The following DCAF8L2 variants were observed in gnomAD, a reference collection of about 807,000 sequenced individuals.
The protein encoded by DCAF8L2 is DDB1 and CUL4 associated factor 8 like 2, also known as DDB1- and CUL4-associated factor 8-like protein 2.
For missense variants in DCAF8L2, 430 were observed against 490.7 expected, an observed-to-expected ratio of 0.88 and a Z score of 1.17; for synonymous variants, 200 against 190.9, an observed-to-expected ratio of 1.05 and a Z score of -0.39.
At chrX:27,621,627 C>A (rs1234845341) in intron 1 of DCAF8L2, among the ~76,000 whole-genome samples, 1 of 111,206 alleles carries the variant, frequency 9.0e-6, no homozygotes, top group South Asian at 3.8e-4. Flanking sequence ...GAAACGCAAA[C>A]GTACACCCCC....
At chrX:27,479,262 A>G in the DCAF8L2 span, among the ~76,000 whole-genome samples, 1 of 111,059 alleles carries the variant, frequency 9.0e-6, no homozygotes, top group African/African-American at 3.3e-5. Context: ...GAGTCCAATA[A>G]TGTAAGTGAG....
chrX:27,670,739 T>C (rs746131186), intron 2 of DCAF8L2, among the ~76,000 whole-genome samples: 3 of 110,663 alleles, frequency 2.7e-5, no homozygotes, highest in East Asian at 5.8e-4. Flanking sequence ...GTTGGTGTTG[T>C]CCTCCTAGGA....
chrX:27,674,257 G>A (rs773564110), intron 2 of DCAF8L2, among the ~76,000 whole-genome samples: 180 of 111,711 alleles, frequency 1.6e-3, no homozygotes, highest in African/African-American at 5.3e-3. Context: ...AAGTGTGAAA[G>A]TGTGTATGAG....
chrX:27,673,422 C>T lies in DCAF8L2; in HGVS notation c.-219-4414C>T, dbSNP rs773295340. Reference sequence around the variant, plus strand: ...ACTCAGGAGGCTGAGGCACAAGAATCGTTTGAACCCGGGAGGCGGAGGTTA... The same window carrying T: ...ACTCAGGAGGCTGAGGCACAAGAATTGTTTGAACCCGGGAGGCGGAGGTTA... On this transcript the variant is annotated intron_variant, in intron 2 of 4. Coordinates refer to ENST00000451261, the MANE Select transcript of DCAF8L2 (RefSeq NM_001353450.2). Among the ~76,000 whole-genome samples, 6 of 101,905 alleles carry T rather than the reference C, an allele frequency of 5.9e-5. No individual in the cohort carries two copies. The East Asian group carries it at 1.5e-3, about 26-fold the overall frequency. The allele number at this position is 101,905 out of a possible 115,157, so 88.5% of individuals were successfully genotyped here. A position where few individuals can be genotyped will look rare whatever the true frequency, so the allele number is the denominator to read the frequency against.
At chrX:27,496,917 T>A in the DCAF8L2 span, among the ~76,000 whole-genome samples, 1 of 112,448 alleles carries the variant, frequency 8.9e-6, no homozygotes. Flanking sequence ...TGGATACGTA[T>A]CTAAAGAATT....
the DCAF8L2 span, among the ~76,000 whole-genome samples, chrX:27,548,520 G>A: frequency 9.0e-6 from 1 of 111,575 alleles, no homozygotes; most frequent in African/African-American, 3.3e-5. Flanking sequence ...GTTTATTCAA[G>A]TGCAAAGTGT....
At chrX:27,711,838 T>C (rs1931543537) in intron 3 of DCAF8L2, among the ~76,000 whole-genome samples, 1 of 110,573 alleles carries the variant, frequency 9.0e-6, no homozygotes, top group Non-Finnish European at 1.9e-5. Context: ...TGGAGGGTTT[T>C]GGGGGGAAGT....
chrX:27,496,414 C>G, the DCAF8L2 span, among the ~76,000 whole-genome samples: 2 of 111,375 alleles, frequency 1.8e-5, no homozygotes, highest in Non-Finnish European at 3.8e-5. Context: ...TCCTTCTTAC[C>G]TCTAACTCTG....
At chrX:27,739,602 C>T (rs1441886170) in intron 4 of DCAF8L2, among the ~76,000 whole-genome samples, 1 of 111,738 alleles carries the variant, frequency 8.9e-6, no homozygotes, top group Non-Finnish European at 1.9e-5. Flanking sequence ...AAATTTATAT[C>T]TATATTTATA....
chrX:27,579,797 G>A, the DCAF8L2 span, among the ~76,000 whole-genome samples: 2 of 110,115 alleles, frequency 1.8e-5, no homozygotes, highest in Non-Finnish European at 3.8e-5. Context: ...CAAATGTGAA[G>A]TTCCAGCTGT....
chrX:27,619,784 G>C (rs946338063), intron 1 of DCAF8L2, among the ~76,000 whole-genome samples: 3 of 110,164 alleles, frequency 2.7e-5, no homozygotes, highest in South Asian at 7.6e-4. Flanking sequence ...TCAAAGTCCA[G>C]GTGCAGTAAA....
chrX:27,583,132 T>G, the DCAF8L2 span, among the ~76,000 whole-genome samples: 3 of 111,802 alleles, frequency 2.7e-5, no homozygotes, highest in Non-Finnish European at 5.6e-5. Context: ...TGGTGATTTA[T>G]TTATATCCAG....
chrX:27,630,277 T>C (rs1928229493), intron 1 of DCAF8L2, among the ~76,000 whole-genome samples: 1 of 111,782 alleles, frequency 8.9e-6, no homozygotes, highest in Non-Finnish European at 1.9e-5. Context: ...ATTAGGATTA[T>C]GGGTAAATTT....
chrX:27,533,184 A>G, the DCAF8L2 span, among the ~76,000 whole-genome samples: 4,140 of 17,408 alleles, frequency 0.24, 604 homozygotes, highest in East Asian at 0.42. Flanking sequence ...GAAAGAAAGA[A>G]AGAAAGAAAG....
chrX:27,632,742 TCAGCATAGC>T (rs1175545862), intron 2 of DCAF8L2: 1 of 111,919 alleles, frequency 8.9e-6, no homozygotes, highest in Non-Finnish European at 1.9e-5. Context: ...TACCTTGTTC[TCAGCATAGC>T]CAGCTCTCCT....
chrX:27,590,996 TATA>T (rs1224857657), intron 1 of DCAF8L2, among the ~76,000 whole-genome samples: 1 of 55,955 alleles, frequency 1.8e-5, no homozygotes, highest in East Asian at 8.3e-4. Flanking sequence ...ACATTTTATA[TATA>T]TATATATATA....
intron 4 of DCAF8L2, among the ~76,000 whole-genome samples, chrX:27,721,128 G>A (rs72623784): frequency 0.11 from 11,797 of 110,789 alleles, 596 homozygotes; most frequent in East Asian, 0.35. Flanking sequence ...AAATCAAGAT[G>A]GCTTTGCTTT....
chrX:27,570,474 C>T, the DCAF8L2 span, among the ~76,000 whole-genome samples: 1 of 111,585 alleles, frequency 9.0e-6, no homozygotes, highest in Admixed American at 9.5e-5. Flanking sequence ...TTTACTATTT[C>T]CATAACTGTT....
chrX:27,514,169 T>C, the DCAF8L2 span, among the ~76,000 whole-genome samples: 3 of 105,243 alleles, frequency 2.9e-5, no homozygotes, highest in African/African-American at 7.4e-5. Context: ...CATGCACACA[T>C]ATGTACATGT....
Sources: gnomAD v4.1 joint callset for allele counts (sites outside exome capture counted in the v4.1 genomes callset) on GRCh38, gnomAD v4.1.1 for gene constraint, MANE v1.5 for transcripts, NCBI Gene and HGNC (gene_info 2026-07-23, HGNC 2026-07-21) for gene names.